Variants in ARB2A observed in about 807,000 individuals in gnomAD.
ARB2A encodes the protein ARB2 cotranscriptional regulator A.
At chr5:94,084,579 G>C in the ARB2A span, among the ~76,000 whole-genome samples, 1 of 152,072 alleles carries the variant, frequency 6.6e-6, no homozygotes, top group Non-Finnish European at 1.5e-5. Context: ...GAATCGCCAA[G>C]AACTGATAAG....
At chr5:93,949,174 G>C in the ARB2A span, among the ~76,000 whole-genome samples, 1 of 151,688 alleles carries the variant, frequency 6.6e-6, no homozygotes, top group Admixed American at 6.6e-5. Context: ...ATTTTTGTAC[G>C]TACCTAGGTG....
At chr5:93,854,860 G>T in the ARB2A span, among the ~76,000 whole-genome samples, 5 of 152,158 alleles carry the variant, frequency 3.3e-5, no homozygotes, top group Non-Finnish European at 5.9e-5. Flanking sequence ...CATTTGCTGA[G>T]GAGAGCTTTA....
the ARB2A span, among the ~76,000 whole-genome samples, chr5:93,929,808 A>G: frequency 1.3e-5 from 2 of 152,232 alleles, no homozygotes; most frequent in East Asian, 1.9e-4. Context: ...ACTGGTAGTC[A>G]GCAGTTATGT....
At chr5:93,960,146 AAAAAT>A in the ARB2A span, among the ~76,000 whole-genome samples, 6 of 142,872 alleles carry the variant, frequency 4.2e-5, no homozygotes, top group Non-Finnish European at 6.1e-5. Context: ...TTAGGAAGAG[AAAAAT>A]AAAATAAAAT....
the ARB2A span, among the ~76,000 whole-genome samples, chr5:93,895,261 T>C: frequency 1.3e-5 from 2 of 152,192 alleles, no homozygotes; most frequent in Non-Finnish European, 2.9e-5. Flanking sequence ...CAGGCGTTCA[T>C]TTTTGATCAT....
At chr5:93,620,914 C>A in the ARB2A span, 1 of 1,463,410 alleles carries the variant, frequency 6.8e-7, no homozygotes, top group Non-Finnish European at 9.3e-7. Flanking sequence ...GCTGGGAGTC[C>A]GCTCGACACA....
chr5:93,700,156 T>C, the ARB2A span, among the ~76,000 whole-genome samples: 2 of 152,210 alleles, frequency 1.3e-5, no homozygotes, highest in African/African-American at 4.8e-5. Flanking sequence ...ACTTTTCTAA[T>C]AATATTCTTA....
the ARB2A span, among the ~76,000 whole-genome samples, chr5:93,821,909 C>CA: frequency 0.12 from 14,738 of 127,694 alleles, 936 homozygotes; most frequent in Middle Eastern, 0.2. Context: ...CAAAAAGTAG[C>CA]AAAAAAAAAA....
chr5:93,944,370 A>C, the ARB2A span, among the ~76,000 whole-genome samples: 2 of 152,112 alleles, frequency 1.3e-5, no homozygotes, highest in African/African-American at 2.4e-5. Flanking sequence ...CTGACGCAGA[A>C]GGATTGCTTG....
At chr5:93,855,668 T>A in the ARB2A span, among the ~76,000 whole-genome samples, 1 of 152,152 alleles carries the variant, frequency 6.6e-6, no homozygotes, top group African/African-American at 2.4e-5. Flanking sequence ...TGACAAAATC[T>A]CTCAGCATTT....
the ARB2A span, among the ~76,000 whole-genome samples, chr5:93,979,086 C>A: frequency 6.6e-6 from 1 of 152,192 alleles, no homozygotes; most frequent in African/African-American, 2.4e-5. Context: ...ATTACACATT[C>A]TATGCATATA....
the ARB2A span, among the ~76,000 whole-genome samples, chr5:93,983,924 T>C: frequency 0.045 from 6,825 of 152,230 alleles, 204 homozygotes; most frequent in East Asian, 0.14. Flanking sequence ...AAAGAGAAGA[T>C]AAGGAGTTGT....
chr5:94,063,691 C>A, the ARB2A span, among the ~76,000 whole-genome samples: 1 of 152,208 alleles, frequency 6.6e-6, no homozygotes, highest in African/African-American at 2.4e-5. Flanking sequence ...CCCAGCAAAA[C>A]CTCACCACAG....
chr5:94,074,124 AG>A, the ARB2A span, among the ~76,000 whole-genome samples: 14 of 152,142 alleles, frequency 9.2e-5, no homozygotes, highest in Admixed American at 9.2e-4. Flanking sequence ...ATTCAACAAC[AG>A]ACACTTCTTT....
the ARB2A span, among the ~76,000 whole-genome samples, chr5:94,021,129 G>A: frequency 6.6e-6 from 1 of 152,268 alleles, no homozygotes; most frequent in Non-Finnish European, 1.5e-5. Context: ...CTTGAAAGCT[G>A]CAATACATAT....
the ARB2A span, chr5:93,621,167 G>A: frequency 1.3e-6 from 2 of 1,549,744 alleles, no homozygotes; most frequent in African/African-American, 1.4e-5. Flanking sequence ...AGGTGGCCAC[G>A]CGGGGCCAGG....
the ARB2A span, among the ~76,000 whole-genome samples, chr5:93,931,348 C>T: frequency 6.6e-6 from 1 of 152,102 alleles, no homozygotes; most frequent in Non-Finnish European, 1.5e-5. Flanking sequence ...CCTGTAATCC[C>T]AGCTACTCGG....
At chr5:93,707,302 C>T in the ARB2A span, among the ~76,000 whole-genome samples, 24 of 152,232 alleles carry the variant, frequency 1.6e-4, no homozygotes, top group East Asian at 3.9e-3. Context: ...CAGGTTTTCT[C>T]GCCTACATAA....
the ARB2A span, among the ~76,000 whole-genome samples, chr5:93,640,166 C>G: frequency 6.6e-6 from 1 of 151,594 alleles, no homozygotes; most frequent in East Asian, 1.9e-4. Context: ...TTGCAATTGG[C>G]CAGGTGTGGT....
Sources: allele counts gnomAD v4.1 joint callset (sites outside exome capture counted in the v4.1 genomes callset), GRCh38; gene constraint gnomAD v4.1.1; transcripts MANE v1.5; gene names NCBI Gene and HGNC (gene_info 2026-07-23, HGNC 2026-07-21).